The following ARHGAP6 variants were observed in gnomAD, a reference collection of about 807,000 sequenced individuals.
The protein encoded by ARHGAP6 is rho GTPase-activating protein 6.
Under a neutral mutation model 55.7 loss-of-function variants are expected in ARHGAP6, and 16 were observed. That is an observed-to-expected ratio of 0.29 (90% confidence interval 0.19 to 0.44). ARHGAP6 has a LOEUF of 0.44. Ranked by LOEUF, ARHGAP6 falls within the 20% of genes least tolerant of loss-of-function variation. ARHGAP6 has a pLI of 1.00. For synonymous variants in ARHGAP6, 382 were observed against 360.9 expected (o/e 1.06, Z -0.66); for missense variants, 698 against 808.9 (o/e 0.86, Z 1.66).
chrX:11,560,023 A>C (rs2051368690), intron 1 of ARHGAP6, among the ~76,000 whole-genome samples: 2 of 110,181 alleles, frequency 1.8e-5, no homozygotes, highest in South Asian at 7.8e-4. Flanking sequence ...CTGTTCTTTA[A>C]AAGCTAAGAA....
intron 1 of ARHGAP6, among the ~76,000 whole-genome samples, chrX:11,373,208 A>G (rs1246759645): frequency 9.1e-6 from 1 of 110,290 alleles, no homozygotes; most frequent in African/African-American, 3.3e-5. Context: ...CCAATCTTCA[A>G]TGCCAGGATA....
chrX:11,391,900 C>T (rs190282222), intron 1 of ARHGAP6, among the ~76,000 whole-genome samples: 2 of 112,088 alleles, frequency 1.8e-5, no homozygotes, highest in Non-Finnish European at 3.8e-5. Context: ...TTCTAAGGAA[C>T]ACACTTGGAA....
At chrX:11,615,717 C>T (rs933782798) in intron 1 of ARHGAP6, among the ~76,000 whole-genome samples, 2 of 112,124 alleles carry the variant, frequency 1.8e-5, no homozygotes, top group African/African-American at 6.5e-5. Flanking sequence ...AATAGCTGTA[C>T]TTACATTCAA....
chrX:11,494,548 T>C (rs2050603797), intron 1 of ARHGAP6, among the ~76,000 whole-genome samples: 1 of 112,094 alleles, frequency 8.9e-6, no homozygotes, highest in Non-Finnish European at 1.9e-5. Context: ...GATAAAAGAG[T>C]AGAGATTTGG....
chrX:11,579,514 T>G (rs1326349719), intron 1 of ARHGAP6, among the ~76,000 whole-genome samples: 2 of 112,369 alleles, frequency 1.8e-5, no homozygotes, highest in Admixed American at 1.9e-4. Context: ...TGTTAATTAT[T>G]AAAAGTTGCC....
chrX:11,268,053 C>T (rs1951648479), intron 1 of ARHGAP6, among the ~76,000 whole-genome samples: 1 of 112,055 alleles, frequency 8.9e-6, no homozygotes, highest in Admixed American at 9.4e-5. Flanking sequence ...CATATCTAAG[C>T]ATACCAAGAA....
At chrX:11,184,180 T>A in intron 5 of ARHGAP6, among the ~76,000 whole-genome samples, 1 of 112,313 alleles carries the variant, frequency 8.9e-6, no homozygotes, top group Non-Finnish European at 1.9e-5. Flanking sequence ...CTTAATCTAG[T>A]TTTTTCTGAG....
chrX:11,612,683 C>T (rs1319406940), intron 1 of ARHGAP6, among the ~76,000 whole-genome samples: 1 of 112,295 alleles, frequency 8.9e-6, no homozygotes, highest in Non-Finnish European at 1.9e-5. Flanking sequence ...TATAAGCCAC[C>T]CAGTCAAAGA....
intron 1 of ARHGAP6, among the ~76,000 whole-genome samples, chrX:11,385,018 T>C (rs2049311549): frequency 8.9e-6 from 1 of 111,970 alleles, no homozygotes; most frequent in South Asian, 3.7e-4. Flanking sequence ...GAAAATTAAG[T>C]ATAAATGACC....
At chrX:11,282,373 G>A (rs1306236959) in intron 1 of ARHGAP6, among the ~76,000 whole-genome samples, 2 of 111,708 alleles carry the variant, frequency 1.8e-5, no homozygotes, top group African/African-American at 3.3e-5. Context: ...ATTAGCAAAC[G>A]TTTTCTGAGT....
chrX:11,158,301 A>G (rs916675250), intron 9 of ARHGAP6, among the ~76,000 whole-genome samples: 2 of 111,573 alleles, frequency 1.8e-5, no homozygotes, highest in African/African-American at 3.3e-5. Context: ...GAGAGGATAC[A>G]GGGCCTGTAT....
At chrX:11,247,966 T>C in intron 2 of ARHGAP6, among the ~76,000 whole-genome samples, 1 of 111,688 alleles carries the variant, frequency 9.0e-6, no homozygotes, top group Non-Finnish European at 1.9e-5. Flanking sequence ...ACAGGGAAAA[T>C]GATTGGTTCC....
chrX:11,142,598 G>C (rs1037868139), intron 11 of ARHGAP6: 32 of 130,478 alleles, frequency 2.5e-4, no homozygotes, highest in African/African-American at 1.0e-3. Context: ...AAAGGGCTTT[G>C]CAGGTGTGAT....
chrX:11,544,691 C>T (rs1457790063), intron 1 of ARHGAP6, among the ~76,000 whole-genome samples: 1 of 112,121 alleles, frequency 8.9e-6, no homozygotes, highest in Non-Finnish European at 1.9e-5. Flanking sequence ...TAATTTCACA[C>T]TGACATCTTG....
intron 2 of ARHGAP6, among the ~76,000 whole-genome samples, chrX:11,215,966 A>G (rs766688229): frequency 4.5e-5 from 5 of 111,707 alleles, no homozygotes; most frequent in Non-Finnish European, 7.5e-5. Context: ...AGATACTCTT[A>G]GAGCAGCTCT....
chrX:11,507,100 G>A (rs2050742490), intron 1 of ARHGAP6, among the ~76,000 whole-genome samples: 1 of 111,819 alleles, frequency 8.9e-6, no homozygotes, highest in Non-Finnish European at 1.9e-5. Context: ...GTTTAATTGA[G>A]CCTGATCTAT....
intron 10 of ARHGAP6, among the ~76,000 whole-genome samples, chrX:11,151,255 G>T (rs1174520943): frequency 1.9e-5 from 2 of 106,212 alleles, no homozygotes; most frequent in African/African-American, 7.3e-5. Flanking sequence ...TCAAAGTCTT[G>T]CTTTCTTTTT....
At chrX:11,174,564 TCCTTCCTTCC>T (rs2046148147) in intron 8 of ARHGAP6, among the ~76,000 whole-genome samples, 3 of 79,446 alleles carry the variant, frequency 3.8e-5, no homozygotes, top group African/African-American at 1.0e-4. Flanking sequence ...CTTCCTTCCT[TCCTTCCTTCC>T]TTTCTTTCTT....
intron 1 of ARHGAP6, among the ~76,000 whole-genome samples, chrX:11,575,658 C>T (rs1016966538): frequency 2.7e-5 from 3 of 112,150 alleles, no homozygotes; most frequent in Admixed American, 9.5e-5. Flanking sequence ...CTACTCTTGC[C>T]TGTGTCTGAC....
Sources: allele counts gnomAD v4.1 joint callset (sites outside exome capture counted in the v4.1 genomes callset), GRCh38; gene constraint gnomAD v4.1.1; transcripts MANE v1.5; gene names NCBI Gene and HGNC (gene_info 2026-07-23, HGNC 2026-07-21).